COMMD10: variants seen among roughly 807,000 people sequenced by gnomAD.
COMMD10 encodes the protein COMM domain containing 10.
Under a neutral mutation model 28.9 loss-of-function variants are expected in COMMD10, and 33 were observed. The observed-to-expected ratio is 1.14, with a 90% confidence interval of 0.87 to 1.53. COMMD10 has a LOEUF of 1.53. Among genes scored for constraint, COMMD10 ranks in the 40% most tolerant of loss-of-function variants. COMMD10 has a pLI of 0.00. For synonymous variants in COMMD10, 110 were observed against 81.7 expected, an observed-to-expected ratio of 1.35 and a Z score of -1.87; for missense variants, 310 against 233.4, an observed-to-expected ratio of 1.33 and a Z score of -2.14.
At chr5:116,268,697 C>A (rs1044358659) in intron 5 of COMMD10, among the ~76,000 whole-genome samples, 3 of 151,810 alleles carry the variant, frequency 2.0e-5, no homozygotes, top group Non-Finnish European at 2.9e-5. Flanking sequence ...GGAACCAACC[C>A]AAATGCCCAT....
chr5:116,284,410 C>T (rs10155600), intron 5 of COMMD10, among the ~76,000 whole-genome samples: 24,331 of 151,572 alleles, frequency 0.16, 3,159 homozygotes, highest in African/African-American at 0.34. Context: ...ATAGTTTTGG[C>T]TTATGGATGA....
intron 4 of COMMD10, among the ~76,000 whole-genome samples, chr5:116,117,900 A>G (rs1434808257): frequency 6.6e-6 from 1 of 152,344 alleles, no homozygotes; most frequent in East Asian, 1.9e-4. Context: ...TAAGAACTCC[A>G]AAAGTGATTT....
chr5:116,162,995 C>G (rs1207838408), intron 5 of COMMD10, among the ~76,000 whole-genome samples: 1 of 152,198 alleles, frequency 6.6e-6, no homozygotes, highest in African/African-American at 2.4e-5. Context: ...GCTTATACTC[C>G]TCTCTCAGTT....
At chr5:116,266,359 A>G (rs188963334) in intron 5 of COMMD10, among the ~76,000 whole-genome samples, 60 of 151,828 alleles carry the variant, frequency 4.0e-4, no homozygotes, top group Non-Finnish European at 7.1e-4. Context: ...CTTTTTAACT[A>G]AAGGGGTATA....
At chr5:116,238,654 T>A (rs1187245289) in intron 5 of COMMD10, among the ~76,000 whole-genome samples, 1 of 152,130 alleles carries the variant, frequency 6.6e-6, no homozygotes, top group Non-Finnish European at 1.5e-5. Context: ...CATATTCAAT[T>A]TAACAACATC....
At chr5:116,109,439 C>A (rs578133243) in intron 4 of COMMD10, among the ~76,000 whole-genome samples, 4 of 152,166 alleles carry the variant, frequency 2.6e-5, no homozygotes, top group African/African-American at 9.6e-5. Context: ...ACTAAAAATA[C>A]AAAAATTAGC....
chr5:116,292,441 T>C lies in COMMD10; in HGVS notation c.571-10T>C, dbSNP rs963447517. 6.6e-7 allele frequency: 1 copy of C among 1,511,172 alleles called. No homozygotes were observed. Among genetic ancestry groups the C allele is most frequent in the Non-Finnish European group, 8.8e-7 (1 of 1,131,412 alleles). The allele number at this position is 1,511,172 out of a possible 1,614,324, so 93.6% of individuals were successfully genotyped here. On this transcript the variant is annotated splice_polypyrimidine_tract_variant and intron_variant, in intron 6 of 6. Coordinates refer to ENST00000274458, the MANE Select transcript of COMMD10 (RefSeq NM_016144.4). Reference sequence around the variant, plus strand: ...CTAACGTCTTTTTTTTTTTTTGTCTTTGTAAATAGCTAGAGACTATACAAG... The same window carrying C: ...CTAACGTCTTTTTTTTTTTTTGTCTCTGTAAATAGCTAGAGACTATACAAG...
rs1748522191 is a variant in COMMD10 at position 116,196,394 on chromosome 5, T to C, written c.510+62216T>C. On this transcript the variant is annotated intron_variant, in intron 5 of 6. Transcript: ENST00000274458. ...ATAAAAGACTACAAATATGGTGCAGTGTATACTGCTTGGGTGATGGGTGCA... is the reference window on the plus strand; with the variant it reads ...ATAAAAGACTACAAATATGGTGCAGCGTATACTGCTTGGGTGATGGGTGCA... Among the ~76,000 whole-genome samples, 5 of 152,170 alleles carry C rather than the reference T, an allele frequency of 3.3e-5. 1 individual carries two copies. The South Asian group carries it at 1.0e-3, about 32-fold the overall frequency.
At chr5:116,258,446 T>C (rs1228899808) in intron 5 of COMMD10, among the ~76,000 whole-genome samples, 1 of 147,994 alleles carries the variant, frequency 6.8e-6, no homozygotes, top group African/African-American at 2.6e-5. Context: ...TTTCTCTGGA[T>C]TGATTTTTTT....
intron 5 of COMMD10, among the ~76,000 whole-genome samples, chr5:116,201,298 T>C (rs1748660698): frequency 6.6e-6 from 1 of 152,160 alleles, no homozygotes; most frequent in African/African-American, 2.4e-5. Context: ...CATGAGTGGA[T>C]TTTTCTCCAG....
chr5:116,210,122 A>T (rs1312707858), intron 5 of COMMD10, among the ~76,000 whole-genome samples: 1 of 152,104 alleles, frequency 6.6e-6, no homozygotes, highest in Non-Finnish European at 1.5e-5. Context: ...CTTGATAACT[A>T]ACTCACTCCT....
chr5:116,146,876 A>C (rs1752367599), intron 5 of COMMD10, among the ~76,000 whole-genome samples: 1 of 151,876 alleles, frequency 6.6e-6, no homozygotes, highest in African/African-American at 2.4e-5. Context: ...TTTTCATATA[A>C]AATCTCTTTA....
At chr5:116,146,090 G>C (rs1382738044) in intron 5 of COMMD10, among the ~76,000 whole-genome samples, 1 of 151,858 alleles carries the variant, frequency 6.6e-6, no homozygotes, top group Non-Finnish European at 1.5e-5. Context: ...TCTGTGGCTT[G>C]ACCTGGTGTA....
intron 5 of COMMD10, among the ~76,000 whole-genome samples, chr5:116,248,490 G>C (rs141081560): frequency 6.6e-6 from 1 of 151,980 alleles, no homozygotes; most frequent in Non-Finnish European, 1.5e-5. Flanking sequence ...CCTTAGTGCT[G>C]ATCTATGCCA....
intron 5 of COMMD10, among the ~76,000 whole-genome samples, chr5:116,284,952 G>T (rs913506026): frequency 6.6e-6 from 1 of 151,872 alleles, no homozygotes; most frequent in African/African-American, 2.4e-5. Flanking sequence ...TCAAACTGAA[G>T]ATAAATTGTT....
chr5:116,178,406 G>A (rs1048927693), intron 5 of COMMD10, among the ~76,000 whole-genome samples: 1 of 151,952 alleles, frequency 6.6e-6, no homozygotes, highest in Non-Finnish European at 1.5e-5. Context: ...TTGTTCTAAA[G>A]TATATGATTA....
At chr5:116,285,750 A>AG (rs1751203592) in intron 5 of COMMD10, among the ~76,000 whole-genome samples, 1 of 151,990 alleles carries the variant, frequency 6.6e-6, no homozygotes, top group Admixed American at 6.6e-5. Flanking sequence ...AAACCCTTTA[A>AG]TGTGCTCTTG....
intron 5 of COMMD10, among the ~76,000 whole-genome samples, chr5:116,214,543 T>A (rs544744255): frequency 6.6e-6 from 1 of 152,150 alleles, no homozygotes; most frequent in Non-Finnish European, 1.5e-5. Context: ...TATTGCCATT[T>A]TGATGAGGAA....
intron 4 of COMMD10, among the ~76,000 whole-genome samples, chr5:116,099,425 T>A (rs1750579739): frequency 1.5e-5 from 1 of 66,336 alleles, no homozygotes; most frequent in African/African-American, 4.1e-5. Context: ...TGCAGATATC[T>A]CTTCAACTGA....
Sources: allele counts gnomAD v4.1 joint callset (sites outside exome capture counted in the v4.1 genomes callset), GRCh38; gene constraint gnomAD v4.1.1; transcripts MANE v1.5; gene names NCBI Gene and HGNC (gene_info 2026-07-23, HGNC 2026-07-21).